The following FRAS1 variants were observed in gnomAD, a reference collection of about 807,000 sequenced individuals.
The protein encoded by FRAS1 is extracellular matrix organizing protein FRAS1.
In FRAS1, 290 loss-of-function variants were observed where a neutral mutation model predicts 435.2. That is an observed-to-expected ratio of 0.67 (90% confidence interval 0.61 to 0.73). The LOEUF (loss-of-function observed/expected upper bound fraction) is 0.73, where lower values mean the gene tolerates loss of function less well. Among genes scored for constraint, FRAS1 ranks in the 30% least tolerant of loss-of-function variants. The pLI is 0.00. For missense variants in FRAS1, 4,860 were observed against 5,001.5 expected, an observed-to-expected ratio of 0.97 and a Z score of 0.85; for synonymous variants, 1,800 against 1,851.0, an observed-to-expected ratio of 0.97 and a Z score of 0.71.
chr4:78,117,301 T>G (rs1718654432), intron 2 of FRAS1, among the ~76,000 whole-genome samples: 2 of 152,220 alleles, frequency 1.3e-5, no homozygotes, highest in South Asian at 4.1e-4. Flanking sequence ...AATCGGACAA[T>G]TATGTGTCTT....
chr4:78,084,563 G>A (rs1051604095), intron 2 of FRAS1, among the ~76,000 whole-genome samples: 1 of 152,092 alleles, frequency 6.6e-6, no homozygotes, highest in South Asian at 2.1e-4. Flanking sequence ...ATTCTTTGCT[G>A]CTCAGTTTGT....
At chr4:78,363,425 T>G (rs781729122) in intron 20 of FRAS1, 88 bp from the exon 21 acceptor site, 1 of 1,332,904 alleles carries the variant, frequency 7.5e-7, no homozygotes, top group East Asian at 2.4e-5. Context: ...GTGTTTGTAA[T>G]TGAAATCTCT....
At chr4:78,256,816 T>C (rs1725817009) in intron 6 of FRAS1, among the ~76,000 whole-genome samples, 1 of 152,198 alleles carries the variant, frequency 6.6e-6, no homozygotes, top group African/African-American at 2.4e-5. Context: ...TCTATATTCT[T>C]GCCATTACAT....
intron 69 of FRAS1, among the ~76,000 whole-genome samples, chr4:78,524,827 G>A (rs910997265): frequency 1.3e-5 from 2 of 152,086 alleles, no homozygotes; most frequent in African/African-American, 4.8e-5. Flanking sequence ...GGTGATAAGC[G>A]CTATGGGAAA....
intron 58 of FRAS1, among the ~76,000 whole-genome samples, chr4:78,486,993 C>G (rs1720190597): frequency 6.6e-6 from 1 of 152,182 alleles, no homozygotes; most frequent in Non-Finnish European, 1.5e-5. Context: ...TCTCATCTGA[C>G]TTGAGGCCTG....
At chr4:78,276,717 C>G (rs1421551326) in intron 9 of FRAS1, among the ~76,000 whole-genome samples, 2 of 152,336 alleles carry the variant, frequency 1.3e-5, no homozygotes, top group East Asian at 3.9e-4. Context: ...AGGTGTCAGT[C>G]TGCCCCTACT....
At chr4:78,432,242 A>C in intron 37 of FRAS1, 115 bp from the exon 38 acceptor site, 1 of 1,028,656 alleles carries the variant, frequency 9.7e-7, no homozygotes, top group Non-Finnish European at 1.3e-6. Flanking sequence ...TTAGCCTGTA[A>C]CTCCCTGAGT....
At chr4:78,121,121 T>C (rs1049536019) in intron 2 of FRAS1, among the ~76,000 whole-genome samples, 1 of 152,158 alleles carries the variant, frequency 6.6e-6, no homozygotes, top group Admixed American at 6.5e-5. Flanking sequence ...TACTATCAAA[T>C]TGGCCTTCTC....
chr4:78,497,369 T>G (rs1720536307), intron 60 of FRAS1, among the ~76,000 whole-genome samples: 1 of 151,276 alleles, frequency 6.6e-6, no homozygotes, highest in South Asian at 2.1e-4. Context: ...TTCTTCTCTC[T>G]AATTGATTTG....
intron 67 of FRAS1, among the ~76,000 whole-genome samples, chr4:78,519,696 C>A (rs1018144856): frequency 6.6e-6 from 1 of 152,136 alleles, no homozygotes; most frequent in South Asian, 2.1e-4. Context: ...AGCTAAGGTC[C>A]CAGCGTAGAG....
Position 78,266,922 on chromosome 4 carries a change from T to C in FRAS1, c.776T>C (p.Leu259Pro). 1 of 1,603,942 alleles carries C rather than the reference T, an allele frequency of 6.2e-7. No homozygotes were observed. Among genetic ancestry groups the C allele is most frequent in the Non-Finnish European group, 8.5e-7 (1 of 1,174,454 alleles). ...VRCHKQACLP[L>P]RCGKGQSRAR... ...TGTCACAAGCAGGCCTGCCTGCCCC[T>C]GAGATGCGGAAAGGTATTTGAGAGT... Residue 259 changes from leucine (L) to proline (P), a missense_variant, in exon 8 of 74, where the codon CTG becomes CCG. Leu to Pro is a moderately conservative substitution (Grantham distance 98, BLOSUM62 -3). Transcript: ENST00000512123.
Position 78,491,830 on chromosome 4 carries a change from G to A in FRAS1, c.8958+2750G>A, listed in dbSNP as rs188357754. Among the ~76,000 whole-genome samples the A allele has an allele frequency of 2.2e-3, 329 of 152,246 alleles. 1 individual carries two copies. Among genetic ancestry groups the A allele is most frequent in the African/African-American group, 7.6e-3 (317 of 41,554 alleles). On this transcript the variant is annotated intron_variant, in intron 59 of 73. Transcript: ENST00000512123. ...AAACAGGCAAGAGAAAGAAATAAAC[G>A]TTTATTCAAATAGGAAGAGAGGAAG...
chr4:78,134,946 C>CTTATT (rs1031682172), intron 2 of FRAS1, among the ~76,000 whole-genome samples: 3 of 152,024 alleles, frequency 2.0e-5, no homozygotes, highest in Non-Finnish European at 2.9e-5. Flanking sequence ...CAATAATGTT[C>CTTATT]TTATTTTATT....
chr4:78,112,967 T>C (rs1392078409), intron 2 of FRAS1, among the ~76,000 whole-genome samples: 1 of 152,146 alleles, frequency 6.6e-6, no homozygotes, highest in Non-Finnish European at 1.5e-5. Flanking sequence ...TCTAATGCTA[T>C]CCCTCCCCGC....
intron 2 of FRAS1, among the ~76,000 whole-genome samples, chr4:78,151,370 G>A (rs1051475728): frequency 2.0e-4 from 31 of 152,022 alleles, no homozygotes; most frequent in African/African-American, 5.8e-4. Context: ...CATGGTTCTT[G>A]GTCATTGAGA....
intron 2 of FRAS1, among the ~76,000 whole-genome samples, chr4:78,122,116 A>G (rs1719065758): frequency 6.6e-6 from 1 of 151,978 alleles, no homozygotes; most frequent in Non-Finnish European, 1.5e-5. Context: ...TCCTAATGTT[A>G]TCTATCCCCT....
chr4:78,074,973 C>G (rs1344880280), intron 2 of FRAS1, among the ~76,000 whole-genome samples: 1 of 152,096 alleles, frequency 6.6e-6, no homozygotes, highest in African/African-American at 2.4e-5. Flanking sequence ...GGCAGCTTTC[C>G]CATGCAGAAG....
At chr4:78,265,455 G>T (rs1389186179) in intron 7 of FRAS1, among the ~76,000 whole-genome samples, 1 of 152,040 alleles carries the variant, frequency 6.6e-6, no homozygotes, top group African/African-American at 2.4e-5. Context: ...TGCTTTGGTT[G>T]GATTTTATGC....
At chr4:78,298,030 C>CTATATATA (rs61446216) in intron 14 of FRAS1, among the ~76,000 whole-genome samples, 15 of 104,072 alleles carry the variant, frequency 1.4e-4, no homozygotes, top group African/African-American at 3.7e-4. Flanking sequence ...CTCTCTCTCT[C>CTATATATA]TATATATATA....
Sources: allele counts gnomAD v4.1 joint callset (sites outside exome capture counted in the v4.1 genomes callset), GRCh38; gene constraint gnomAD v4.1.1; transcripts MANE v1.5; gene names NCBI Gene and HGNC (gene_info 2026-07-23, HGNC 2026-07-21).